The following IGF1R variants were observed in gnomAD, a reference collection of about 807,000 sequenced individuals.
IGF1R encodes the protein insulin-like growth factor 1 receptor.
IGF1R carries 44 observed loss-of-function variants against 144.6 expected under a neutral mutation model. The observed-to-expected ratio is 0.30, with a 90% CI of 0.24 to 0.39. IGF1R has a LOEUF of 0.39. Ranked by LOEUF, IGF1R falls within the 10% of genes least tolerant of loss-of-function variation. The pLI is 1.00. For synonymous variants in IGF1R, 795 were observed against 722.8 expected, an observed-to-expected ratio of 1.10 and a Z score of -1.60; for missense variants, 1,355 against 1,833.7, an observed-to-expected ratio of 0.74 and a Z score of 4.77.
intron 2 of IGF1R, among the ~76,000 whole-genome samples, chr15:98,852,556 C>G (rs1343523395): frequency 6.6e-6 from 1 of 152,146 alleles, no homozygotes; most frequent in Admixed American, 6.5e-5. Context: ...GAGGCGATCA[C>G]CAGAGCAGAG....
At chr15:98,924,710 C>T (rs201300318) in intron 13 of IGF1R, 26 bp downstream of exon 13, 134 of 1,599,274 alleles carry the variant, frequency 8.4e-5, no homozygotes, top group South Asian at 2.7e-4. Flanking sequence ...GGAGAAGAAA[C>T]GTGGTAAAAC....
rs541440859 is a variant in IGF1R at position 98,718,734 on chromosome 15, G to A, written c.640+10627G>A. On this transcript the variant is annotated intron_variant, in intron 2 of 20. Coordinates refer to ENST00000650285, the MANE Select transcript of IGF1R (RefSeq NM_000875.5). ...AGTTGGGCTTAGTAGTAAAAAGGGGGAACAAAATAAAAGAAGATCAGGAGA... is the reference window on the plus strand; with the variant it reads ...AGTTGGGCTTAGTAGTAAAAAGGGGAAACAAAATAAAAGAAGATCAGGAGA... 2.0e-5 allele frequency among the ~76,000 whole-genome samples: 3 copies of A among 152,248 alleles called. No individual in the cohort carries two copies. In the South Asian group the frequency reaches 6.2e-4, roughly 32 times the overall value.
At chr15:98,761,651 A>G (rs1267855764) in intron 2 of IGF1R, among the ~76,000 whole-genome samples, 2 of 152,172 alleles carry the variant, frequency 1.3e-5, no homozygotes, top group African/African-American at 4.8e-5. Flanking sequence ...CTGAGGTTTG[A>G]GGCAGACTCC....
intron 1 of IGF1R, among the ~76,000 whole-genome samples, chr15:98,667,090 G>A (rs904256894): frequency 4.6e-5 from 7 of 152,046 alleles, no homozygotes; most frequent in African/African-American, 1.7e-4. Flanking sequence ...GGTTTGAGCT[G>A]AGTCAGATGG....
In IGF1R at chr15:98,957,276, C is replaced by T; in HGVS notation, c.3938C>T (p.Ser1313Phe). ...CTGGACCCCTCGGCCTCCTCGTCCT[C>T]CCTGCCACTGCCCGACAGACACTCA... ...VPLDPSASSS[S>F]LPLPDRHSGH... The change falls in exon 21 of 21, where the codon TCC (serine) becomes TTC (phenylalanine). Residue 1313 changes from serine to phenylalanine, a missense_variant. Coordinates refer to ENST00000650285, the MANE Select transcript of IGF1R (RefSeq NM_000875.5). 1 of 1,614,034 alleles carries T rather than the reference C, an allele frequency of 6.2e-7. No homozygotes were observed.
rs187770081 is a variant in IGF1R at position 98,680,456 on chromosome 15, C to G, written c.95-27106C>G. Among the ~76,000 whole-genome samples, 234 of 151,948 alleles carry G rather than the reference C, an allele frequency of 1.5e-3. 1 individual carries two copies. Among genetic ancestry groups the G allele is most frequent in the Non-Finnish European group, 2.4e-3 (162 of 67,958 alleles). On this transcript the variant is annotated intron_variant, in intron 1 of 20. Coordinates refer to ENST00000650285, the MANE Select transcript of IGF1R (RefSeq NM_000875.5). ...TAATTTTTTGTATTTTTAGTGGAGACAGCGTTGCACCGTGTTAGCCAGGAT... is the reference window on the plus strand; with the variant it reads ...TAATTTTTTGTATTTTTAGTGGAGAGAGCGTTGCACCGTGTTAGCCAGGAT...
At chr15:98,921,668 C>G (rs1484335646) in intron 10 of IGF1R, among the ~76,000 whole-genome samples, 1 of 152,152 alleles carries the variant, frequency 6.6e-6, no homozygotes, top group Non-Finnish European at 1.5e-5. Context: ...CAGAGCAAAT[C>G]CAAGGAGCCA....
chr15:98,942,930 T>C lies in IGF1R; in HGVS notation c.3465T>C (p.Gly1155=), dbSNP rs747960306. ...EDFTVKIGDF[G]MTRDIYETDY... is the part of the protein sequence containing the mutation. ...CCCTCTCTTCCCTTACAGATTTTGG[T>C]ATGACGCGAGATATCTATGAGACAG... The change falls in exon 19 of 21, where the codon GGT becomes GGC. Residue 1155 remains glycine, a synonymous_variant. Transcript: ENST00000650285. 9.3e-6 allele frequency: 15 copies of C among 1,614,140 alleles called. No individual in the cohort carries two copies. The South Asian group carries it at 1.4e-4, about 15-fold the overall frequency.
rs139560498 is a variant in IGF1R at position 98,931,146 on chromosome 15, G to C, written c.2956+841G>C. ...GCTCACATGGTTAGACAGTTGAGAAGTCAGGAGGAGAATGGAATCACTGTG... is the reference window on the plus strand; with the variant it reads ...GCTCACATGGTTAGACAGTTGAGAACTCAGGAGGAGAATGGAATCACTGTG... On this transcript the variant is annotated intron_variant, in intron 15 of 20. Transcript: ENST00000650285. 2.1e-3 allele frequency among the ~76,000 whole-genome samples: 325 copies of C among 152,336 alleles called. 1 individual carries two copies. Among genetic ancestry groups the C allele is most frequent in the African/African-American group, 7.3e-3 (304 of 41,584 alleles).
At position 98,962,429 on chromosome 15, in the gene IGF1R, ACTTT is replaced by A. The variant is rs1310657513; in HGVS notation, c.*4995_*4998del. ...TCCTTAAGAACCAGTGGCGAAAGAC[ACTTT>A]CTTTCTTCACTCTGAAGTAGCTGGT... On this transcript the variant is annotated 3_prime_UTR_variant, in exon 21 of 21. Transcript: ENST00000650285. The A allele has an allele frequency of 7.3e-5, 17 of 232,388 alleles. No individual in the cohort carries two copies. Among genetic ancestry groups the A allele is most frequent in the Middle Eastern group, 1.3e-3 (1 of 782 alleles). 14.4% of individuals were successfully genotyped at this position (232,388 alleles called of 1,614,324 possible).
chr15:98,902,605 G>A lies in IGF1R; in HGVS notation c.1247+2984G>A, dbSNP rs150456049. Among the ~76,000 whole-genome samples the A allele has an allele frequency of 2.7e-3, 405 of 150,192 alleles. 3 individuals are homozygous for A. Among genetic ancestry groups the A allele is most frequent in the African/African-American group, 9.6e-3 (390 of 40,798 alleles). ...GCTTATTTTTGCTTTTAGTAGAGAC[G>A]GACTTTCACCGTGTTGTTCAGGCTG... On this transcript the variant is annotated intron_variant, in intron 5 of 20. Coordinates refer to ENST00000650285, the MANE Select transcript of IGF1R (RefSeq NM_000875.5).
intron 2 of IGF1R, among the ~76,000 whole-genome samples, chr15:98,776,856 G>T (rs1345941216): frequency 1.3e-5 from 2 of 152,200 alleles, no homozygotes; most frequent in Non-Finnish European, 2.9e-5. Flanking sequence ...TTTCCGGAGG[G>T]GCGGCTGGAT....
At chr15:98,852,188 G>T (rs2011554950) in intron 2 of IGF1R, among the ~76,000 whole-genome samples, 1 of 152,232 alleles carries the variant, frequency 6.6e-6, no homozygotes, top group Non-Finnish European at 1.5e-5. Flanking sequence ...ATGTGAAGCT[G>T]CAAGTCAGCA....
At chr15:98,719,956 T>C (rs1236957440) in intron 2 of IGF1R, among the ~76,000 whole-genome samples, 1 of 152,062 alleles carries the variant, frequency 6.6e-6, no homozygotes, top group African/African-American at 2.4e-5. Context: ...TAGAGAGAAA[T>C]GGTAATTGGG....
chr15:98,744,368 T>C (rs955065626), intron 2 of IGF1R, among the ~76,000 whole-genome samples: 9 of 151,926 alleles, frequency 5.9e-5, no homozygotes, highest in African/African-American at 1.9e-4. Flanking sequence ...CACTGGGTCT[T>C]GCAAGAGGGG....
intron 2 of IGF1R, among the ~76,000 whole-genome samples, chr15:98,781,611 A>G (rs2055862701): frequency 6.6e-6 from 1 of 152,254 alleles, no homozygotes; most frequent in African/African-American, 2.4e-5. Context: ...TTGAATAGAA[A>G]TAATGAGTTA....
In IGF1R at chr15:98,939,281, C is replaced by T. The variant is rs752848999; in HGVS notation, c.3378C>T (p.Leu1126=). 1 of 1,613,752 alleles carries T rather than the reference C, an allele frequency of 6.2e-7. No homozygotes were observed. The highest frequency in any genetic ancestry group is 2.2e-5 in the East Asian group (1 of 44,890). Residue 1126 remains leucine (L), a synonymous_variant, in exon 18 of 21, where the codon CTC becomes CTT. Coordinates refer to ENST00000650285, the MANE Select transcript of IGF1R (RefSeq NM_000875.5). The part of the protein sequence containing the change: ...AGEIADGMAY[L]NANKFVHRDL... ...AGATTGCAGACGGCATGGCATACCT[C>T]AACGCCAATAAGTTCGTCCACAGAG...
At chr15:98,666,525 A>G (rs569771837) in intron 1 of IGF1R, among the ~76,000 whole-genome samples, 2 of 152,362 alleles carry the variant, frequency 1.3e-5, no homozygotes, top group South Asian at 2.1e-4. Context: ...AATGTGGTCT[A>G]TCCATACAAT....
chr15:98,658,514 AGG>A (rs2052534280), intron 1 of IGF1R, among the ~76,000 whole-genome samples: 2 of 152,254 alleles, frequency 1.3e-5, no homozygotes, highest in Admixed American at 1.3e-4. Flanking sequence ...GAAATAGAAT[AGG>A]TTTTTTAAAT....
Sources: gnomAD v4.1 joint callset for allele counts (sites outside exome capture counted in the v4.1 genomes callset) on GRCh38, gnomAD v4.1.1 for gene constraint, MANE v1.5 for transcripts, NCBI Gene and HGNC (gene_info 2026-07-23, HGNC 2026-07-21) for gene names.